The following CREB3L2 variants were observed in gnomAD, a reference collection of about 807,000 sequenced individuals.
CREB3L2 encodes the protein cyclic AMP-responsive element-binding protein 3-like protein 2.
CREB3L2 carries 23 observed loss-of-function variants against 57.2 expected under a neutral mutation model. The ratio of observed to expected loss-of-function variants is 0.40; its 90% CI spans 0.29 to 0.57. The LOEUF is 0.57. CREB3L2 is among the 20% of genes least tolerant of loss of function. The pLI is 0.42. For synonymous variants in CREB3L2, 268 were observed against 265.1 expected, an observed-to-expected ratio of 1.01 and a Z score of -0.11; for missense variants, 628 against 634.7, an observed-to-expected ratio of 0.99 and a Z score of 0.11.
chr7:137,916,770 A>AAGAGTGAGAGTG (rs373859888), intron 2 of CREB3L2, among the ~76,000 whole-genome samples: 2 of 151,800 alleles, frequency 1.3e-5, no homozygotes, highest in Non-Finnish European at 1.5e-5. Flanking sequence ...GAGAGAAAGC[A>AAGAGTGAGAGTG]AGAGTGAGAG....
chr7:137,922,414 A>ATATATGTGTG (rs1390842889), intron 2 of CREB3L2, among the ~76,000 whole-genome samples: 1 of 29,934 alleles, frequency 3.3e-5, no homozygotes, highest in African/African-American at 9.7e-5. Flanking sequence ...ATATATATAT[A>ATATATGTGTG]TGTATATATA....
At chr7:137,953,885 C>T (rs1322738083) in intron 1 of CREB3L2, among the ~76,000 whole-genome samples, 1 of 152,192 alleles carries the variant, frequency 6.6e-6, no homozygotes. Flanking sequence ...GTTTTTCACA[C>T]AGCCCAGTAA....
At chr7:137,908,778 A>G (rs1458952205) in intron 4 of CREB3L2, among the ~76,000 whole-genome samples, 1 of 152,152 alleles carries the variant, frequency 6.6e-6, no homozygotes, top group African/African-American at 2.4e-5. Flanking sequence ...GTTTGTGACC[A>G]GCCTGACCAA....
intron 1 of CREB3L2, chr7:137,999,592 T>C (rs1331965605): frequency 6.6e-6 from 1 of 152,200 alleles, no homozygotes; most frequent in African/African-American, 2.4e-5. Context: ...CAAACAGCTC[T>C]GCCCCTGGAT....
At chr7:137,954,689 TG>T (rs1178342900) in intron 1 of CREB3L2, among the ~76,000 whole-genome samples, 1 of 152,062 alleles carries the variant, frequency 6.6e-6, no homozygotes, top group Non-Finnish European at 1.5e-5. Context: ...CTAAAGAGTT[TG>T]GAATGCTCAT....
chr7:137,904,985 T>C (rs934536564), intron 6 of CREB3L2, among the ~76,000 whole-genome samples: 1 of 152,056 alleles, frequency 6.6e-6, no homozygotes, highest in Admixed American at 6.5e-5. Flanking sequence ...GAAGTACATA[T>C]ATAAAATAAG....
intron 1 of CREB3L2, among the ~76,000 whole-genome samples, chr7:137,970,027 G>C (rs1177433533): frequency 1.3e-5 from 2 of 152,092 alleles, no homozygotes; most frequent in African/African-American, 4.8e-5. Flanking sequence ...TCTTCCAGAT[G>C]ACTTGAAAGC....
chr7:137,875,045 A>AT lies in CREB3L2; in HGVS notation c.*5430dup, dbSNP rs556113585. ...TACAAAAGCATAACAATTTCAATTT[A>AT]TTTTTTTTTCCCAAACTAAGTACAA... On this transcript the variant is annotated 3_prime_UTR_variant, in exon 12 of 12. Transcript: ENST00000330387. 65 of 183,720 alleles carry AT rather than the reference A, an allele frequency of 3.5e-4. No individual in the cohort carries two copies. Among genetic ancestry groups the AT allele is most frequent in the Middle Eastern group, 1.9e-3 (1 of 522 alleles). The allele number at this position is 183,720 out of a possible 1,614,324, so 11.4% of individuals were successfully genotyped here. A position where few individuals can be genotyped will look rare whatever the true frequency, so the allele number is the denominator to read the frequency against.
At chr7:137,990,705 G>T (rs755057426) in intron 1 of CREB3L2, among the ~76,000 whole-genome samples, 6 of 152,178 alleles carry the variant, frequency 3.9e-5, no homozygotes, top group Non-Finnish European at 5.9e-5. Flanking sequence ...TGGCCACTGA[G>T]AAAGCATTTT....
Position 137,930,705 on chromosome 7 carries a change from A to G in CREB3L2, c.103-2339T>C, listed in dbSNP as rs545577771. Among the ~76,000 whole-genome samples, 7 of 152,310 alleles carry G rather than the reference A, an allele frequency of 4.6e-5. No homozygotes were observed. In the East Asian group the frequency reaches 9.7e-4, roughly 21 times the overall value. ...AAGCTACAGGACTTGGGCATGTCCT[A>G]TAGGCATGATTGTCTATGAGAACAA... On this transcript the variant is annotated intron_variant, in intron 1 of 11. Coordinates refer to ENST00000330387, the MANE Select transcript of CREB3L2 (RefSeq NM_194071.4).
rs138902056 is a variant in CREB3L2 at position 137,976,108 on chromosome 7, G to A, written c.102+25496C>T. On this transcript the variant is annotated intron_variant, in intron 1 of 11. Coordinates refer to ENST00000330387, the MANE Select transcript of CREB3L2 (RefSeq NM_194071.4). ...TTTTTGCTAATAATGTGGCCCAATG[G>A]CCCTCAGAACTCTGATTAGCCAAGT... Among the ~76,000 whole-genome samples the A allele has an allele frequency of 2.6e-5, 4 of 152,270 alleles. No individual in the cohort carries two copies. In the East Asian group the frequency reaches 5.8e-4, roughly 22 times the overall value.
chr7:137,986,466 C>T (rs550606551), intron 1 of CREB3L2, among the ~76,000 whole-genome samples: 1 of 152,356 alleles, frequency 6.6e-6, no homozygotes, highest in South Asian at 2.1e-4. Flanking sequence ...TTAGGCTCAT[C>T]CATTACTTTG....
Position 137,923,719 on chromosome 7 carries a change from C to T in CREB3L2, c.319+4431G>A, listed in dbSNP as rs993412854. 1.1e-4 allele frequency among the ~76,000 whole-genome samples: 17 copies of T among 152,326 alleles called. 1 individual carries two copies. The highest frequency in any genetic ancestry group is 3.1e-4 in the African/African-American group (13 of 41,564). Reference sequence around the variant, plus strand: ...ATCTCTGCCCCTTCCTCAGCATATTCGATCCTGTGCTTTTCCTGCTGCAGG... The same window carrying T: ...ATCTCTGCCCCTTCCTCAGCATATTTGATCCTGTGCTTTTCCTGCTGCAGG... On this transcript the variant is annotated intron_variant, in intron 2 of 11. Coordinates refer to ENST00000330387, the MANE Select transcript of CREB3L2 (RefSeq NM_194071.4).
chr7:137,957,039 GTCTTT>G (rs1260040694), intron 1 of CREB3L2, among the ~76,000 whole-genome samples: 3 of 151,858 alleles, frequency 2.0e-5, no homozygotes, highest in Non-Finnish European at 2.9e-5. Context: ...AAAATGTTTT[GTCTTT>G]TCTTCTTCGG....
intron 1 of CREB3L2, among the ~76,000 whole-genome samples, chr7:137,978,230 A>C (rs543515784): frequency 1.3e-5 from 2 of 152,340 alleles, no homozygotes; most frequent in East Asian, 1.9e-4. Flanking sequence ...TATACTCTCT[A>C]TACAGAGATA....
At chr7:137,936,191 G>T (rs1800780536) in intron 1 of CREB3L2, among the ~76,000 whole-genome samples, 1 of 152,216 alleles carries the variant, frequency 6.6e-6, no homozygotes, top group Admixed American at 6.5e-5. Context: ...TAAAGACAGA[G>T]TTATCCCAAG....
chr7:137,995,078 C>A (rs1370215513), intron 1 of CREB3L2, among the ~76,000 whole-genome samples: 2 of 152,086 alleles, frequency 1.3e-5, no homozygotes, highest in South Asian at 2.1e-4. Flanking sequence ...CGAATCCTTA[C>A]CAATAAAGCT....
Position 137,885,092 on chromosome 7 carries a change from G to A in CREB3L2, c.1173C>T (p.Phe391=), listed in dbSNP as rs369653454. 7 of 1,614,062 alleles carry A rather than the reference G, an allele frequency of 4.3e-6. No individual in the cohort carries two copies. The highest frequency in any genetic ancestry group is 2.2e-5 in the East Asian group (1 of 44,896). Reference sequence around the variant, plus strand: ...GCCCGTAGCCTTGAAAGAAGCTGCCGAATGCAACGGCAAAGCACAGCACCA... The same window carrying A: ...GCCCGTAGCCTTGAAAGAAGCTGCCAAATGCAACGGCAAAGCACAGCACCA... ...MVVVLCFAVA[F]GSFFQGYGPY... The change falls in exon 10 of 12, where the codon TTC becomes TTT. Residue 391 remains phenylalanine, a synonymous_variant. Transcript: ENST00000330387.
At chr7:137,983,670 C>G (rs926590959) in intron 1 of CREB3L2, among the ~76,000 whole-genome samples, 2 of 152,210 alleles carry the variant, frequency 1.3e-5, no homozygotes, top group Non-Finnish European at 2.9e-5. Context: ...GCCACCTTCC[C>G]GGCCTGGCCA....
Sources: allele counts gnomAD v4.1 joint callset (sites outside exome capture counted in the v4.1 genomes callset), GRCh38; gene constraint gnomAD v4.1.1; transcripts MANE v1.5; gene names NCBI Gene and HGNC (gene_info 2026-07-23, HGNC 2026-07-21).